DNAH7: variants seen among roughly 807,000 people sequenced by gnomAD.
DNAH7 encodes dynein axonemal heavy chain 7.
Under a neutral mutation model 444.6 loss-of-function variants are expected in DNAH7, and 397 were observed. The observed-to-expected ratio is 0.89, with a 90% CI of 0.82 to 0.97. The LOEUF (loss-of-function observed/expected upper bound fraction) is 0.97. DNAH7 is among the 50% of genes least tolerant of loss of function. The pLI is 0.00. For missense variants in DNAH7, 4,902 were observed against 4,800.8 expected (o/e 1.02, Z -0.62); for synonymous variants, 1,636 against 1,624.4 (o/e 1.01, Z -0.17).
At chr2:195,856,408 C>T (rs1456187595) in intron 44 of DNAH7, among the ~76,000 whole-genome samples, 38 of 152,062 alleles carry the variant, frequency 2.5e-4, no homozygotes, top group Admixed American at 2.2e-3. Flanking sequence ...CCTATAAATA[C>T]GTATGTGGTA....
At chr2:195,799,253 T>A (rs776535935) in intron 55 of DNAH7, 43 bp downstream of exon 55, 2 of 1,431,078 alleles carry the variant, frequency 1.4e-6, no homozygotes. Context: ...CAAGTATTGC[T>A]TTTTTAAAAT....
intron 19 of DNAH7, among the ~76,000 whole-genome samples, chr2:195,952,334 C>T (rs1690316913): frequency 6.6e-6 from 1 of 152,098 alleles, no homozygotes; most frequent in Non-Finnish European, 1.5e-5. Context: ...TTGTGGGTAA[C>T]CCGACCTTTC....
At position 195,995,254 on chromosome 2, in the gene DNAH7, T is replaced by G. The variant is rs1050182502; in HGVS notation, c.1353+5450A>C. 5 of 429,636 alleles carry G rather than the reference T, an allele frequency of 1.2e-5. No homozygotes were observed. In the East Asian group the frequency reaches 2.4e-4, roughly 20 times the overall value. The allele number at this position is 429,636 out of a possible 1,614,324, so 26.6% of individuals were successfully genotyped here. On this transcript the variant is annotated intron_variant, in intron 12 of 64. Transcript: ENST00000312428. ...TTTTTAGACTTCTTAATGAGGGAGA[T>G]GCTTTGAATGTTGGTGATATCATAA...
intron 63 of DNAH7, among the ~76,000 whole-genome samples, chr2:195,743,480 C>G (rs983511864): frequency 6.6e-6 from 1 of 152,090 alleles, no homozygotes; most frequent in African/African-American, 2.4e-5. Flanking sequence ...TTAATTTAAT[C>G]TTAGCTATAT....
At chr2:195,923,454 G>C in intron 23 of DNAH7, 141 bp downstream of exon 23, 1 of 712,116 alleles carries the variant, frequency 1.4e-6, no homozygotes, top group Non-Finnish European at 2.4e-6. Context: ...TCAATATAAA[G>C]AAATGCTTAC....
At chr2:195,865,155 A>G in intron 40 of DNAH7, 134 bp from the exon 41 acceptor site, 2 of 759,196 alleles carry the variant, frequency 2.6e-6, no homozygotes, top group South Asian at 4.4e-5. Flanking sequence ...ATATCCAAAT[A>G]ATCAGGACTG....
chr2:195,815,429 T>C (rs1363161956), intron 51 of DNAH7, among the ~76,000 whole-genome samples: 1 of 152,144 alleles, frequency 6.6e-6, no homozygotes, highest in Non-Finnish European at 1.5e-5. Context: ...ATAATAAATC[T>C]TACTAACAAA....
intron 19 of DNAH7, among the ~76,000 whole-genome samples, chr2:195,937,364 T>C (rs1315521543): frequency 2.0e-5 from 3 of 152,298 alleles, no homozygotes; most frequent in Middle Eastern, 6.8e-3. Flanking sequence ...AAGTTCAAGG[T>C]GTGCTCTTCC....
In DNAH7 at chr2:196,027,939, A is replaced by T. The variant is rs747631879; in HGVS notation, c.486+21T>A. On this transcript the variant is annotated intron_variant, in intron 6 of 64. Transcript: ENST00000312428. ...GTTTCTTTCCTTTTCAATTATACAG[A>T]CAAAACAAATGGCCAGTTACCAAGA... The T allele has an allele frequency of 3.7e-6, 6 of 1,605,964 alleles. No individual in the cohort carries two copies. In the Admixed American group the frequency reaches 8.5e-5, roughly 23 times the overall value.
intron 38 of DNAH7, among the ~76,000 whole-genome samples, chr2:195,874,629 T>A (rs1700921506): frequency 6.7e-6 from 1 of 150,072 alleles, no homozygotes; most frequent in Non-Finnish European, 1.5e-5. Context: ...CTGGGCATAA[T>A]AATATGCCCC....
chr2:195,939,058 G>T (rs1302888645), intron 19 of DNAH7, among the ~76,000 whole-genome samples: 1 of 152,020 alleles, frequency 6.6e-6, no homozygotes, highest in Non-Finnish European at 1.5e-5. Flanking sequence ...CTTGAAAATG[G>T]GGATAAAAGC....
rs1699662133 is a variant in DNAH7, at chr2:195,855,764, T to C, written c.8595+47A>G. On this transcript the variant is annotated intron_variant, in intron 45 of 64. Transcript: ENST00000312428. ...GTGCTAGTACGAACATCATTCTTAG[T>C]TACGATAACTGAGAATTTGTCCATC... is the stretch of plus-strand genomic sequence containing the variant. 5.0e-6 allele frequency: 8 copies of C among 1,593,554 alleles called. No individual in the cohort carries two copies. In the South Asian group the frequency reaches 9.0e-5, roughly 18 times the overall value.
At position 195,912,324 on chromosome 2, in the gene DNAH7, G is replaced by A. The variant is rs575882781; in HGVS notation, c.3936-2129C>T. ...AGAAACTGAGTGCTGACTCACAACC[G>A]AAAACATTTCAAGCTGAAAAGATGC... On this transcript the variant is annotated intron_variant, in intron 24 of 64. Transcript: ENST00000312428. Among the ~76,000 whole-genome samples the A allele has an allele frequency of 3.9e-5, 6 of 152,242 alleles. No individual in the cohort carries two copies. In the South Asian group the frequency reaches 8.3e-4, roughly 21 times the overall value.
chr2:195,773,759 A>C (rs972954931), intron 60 of DNAH7, among the ~76,000 whole-genome samples: 2 of 152,200 alleles, frequency 1.3e-5, no homozygotes, highest in African/African-American at 4.8e-5. Context: ...GAGATCCTAG[A>C]CTATTATCTA....
intron 10 of DNAH7, among the ~76,000 whole-genome samples, chr2:196,006,369 T>C (rs976850617): frequency 4.6e-5 from 7 of 152,150 alleles, no homozygotes; most frequent in Admixed American, 2.6e-4. Flanking sequence ...AATTCAAGGT[T>C]GGTTCAATAC....
Position 195,876,582 on chromosome 2 carries a change from T to C in DNAH7, c.6079A>G (p.Arg2027Gly). 1 of 1,613,968 alleles carries C rather than the reference T, an allele frequency of 6.2e-7. No homozygotes were observed. Among genetic ancestry groups the C allele is most frequent in the East Asian group, 2.2e-5 (1 of 44,860 alleles). Residue 2027 changes from arginine (R) to glycine (G), a missense_variant, in exon 37 of 65, where the codon AGA becomes GGA. Physicochemically the swap from Arg to Gly is moderately radical, Grantham distance 125. Transcript: ENST00000312428. ...AAAGGAGGACCAAAAACTCCCTTTC[T>C]TCTCTTGTCCAATTTTGACATGACA... is the stretch of plus-strand genomic sequence containing the variant. ...NIVMSKLDKR[R>G]KGVFGPPLGK...
chr2:195,818,432 T>C (rs1026813635), intron 49 of DNAH7, among the ~76,000 whole-genome samples: 6 of 152,202 alleles, frequency 3.9e-5, no homozygotes, highest in African/African-American at 1.4e-4. Context: ...TCTGGGGACC[T>C]AATTGCTCTT....
At chr2:196,061,066 G>C (rs61703722) in intron 1 of DNAH7, among the ~76,000 whole-genome samples, 5,709 of 152,138 alleles carry the variant, frequency 0.038, 243 homozygotes, top group African/African-American at 0.099. Context: ...ATTAACATAT[G>C]CATTACCCCA....
At chr2:196,039,838 A>G (rs1340397864) in intron 5 of DNAH7, among the ~76,000 whole-genome samples, 2 of 152,104 alleles carry the variant, frequency 1.3e-5, no homozygotes, top group Non-Finnish European at 2.9e-5. Flanking sequence ...AGTTTTTTAA[A>G]AAGATAAATA....
Sources: allele counts gnomAD v4.1 joint callset (sites outside exome capture counted in the v4.1 genomes callset), GRCh38; gene constraint gnomAD v4.1.1; transcripts MANE v1.5; gene names NCBI Gene and HGNC (gene_info 2026-07-23, HGNC 2026-07-21).